Variants in RFFL observed in about 807,000 individuals in gnomAD.
RFFL encodes E3 ubiquitin-protein ligase rififylin.
Under a neutral mutation model 40.4 loss-of-function variants are expected in RFFL, and 16 were observed. That is an observed-to-expected ratio of 0.40 (90% CI 0.27 to 0.60). The LOEUF (loss-of-function observed/expected upper bound fraction) is 0.60. Ranked by LOEUF, RFFL falls within the 20% of genes least tolerant of loss-of-function variation. RFFL has a pLI of 0.47. For missense variants in RFFL, 367 were observed against 451.7 expected (o/e 0.81, Z 1.70); for synonymous variants, 154 against 167.9 (o/e 0.92, Z 0.64).
chr17:35,057,540 GAAAGGAACAGATTTCACATTCTCC>G, intron 1 of RFFL, among the ~76,000 whole-genome samples: 1 of 151,100 alleles, frequency 6.6e-6, no homozygotes, highest in African/African-American at 2.4e-5. Context: ...AGGTATTTGT[GAAAGGAACAGATTTCACATTCTCC>G]AGTCAGGTAA....
intron 1 of RFFL, among the ~76,000 whole-genome samples, chr17:35,026,821 T>C (rs1179343601): frequency 6.6e-6 from 1 of 152,182 alleles, no homozygotes; most frequent in Non-Finnish European, 1.5e-5. Flanking sequence ...TTCTCCAGCC[T>C]CAGCCTCCCA....
intron 1 of RFFL, among the ~76,000 whole-genome samples, chr17:35,088,011 C>T (rs1349384501): frequency 9.9e-5 from 15 of 152,190 alleles, no homozygotes; most frequent in Non-Finnish European, 2.9e-5. Context: ...GTATAATAAA[C>T]GGGCAGCCCG....
chr17:35,066,807 G>T (rs1316847529), upstream of RFFL, among the ~76,000 whole-genome samples: 1 of 151,474 alleles, frequency 6.6e-6, no homozygotes, highest in Non-Finnish European at 1.5e-5. Flanking sequence ...ATCAGTGCCT[G>T]TCTCACCTTG....
At chr17:35,070,375 T>A (rs978094330) in intron 1 of RFFL, among the ~76,000 whole-genome samples, 4 of 152,036 alleles carry the variant, frequency 2.6e-5, no homozygotes, top group African/African-American at 9.7e-5. Context: ...TCAATATGGT[T>A]CCCAGACTGA....
intron 6 of RFFL, 27 bp from the exon 7 acceptor site, chr17:35,012,176 A>G: frequency 6.2e-7 from 1 of 1,607,264 alleles, no homozygotes; most frequent in South Asian, 1.1e-5. Flanking sequence ...GGCAGAAAAA[A>G]AGGGGCAGAG....
In RFFL at chr17:35,009,181, G is replaced by C. The variant is rs2090918443; in HGVS notation, c.*2787C>G. On this transcript the variant is annotated 3_prime_UTR_variant, in exon 7 of 7. Coordinates refer to ENST00000394597, the MANE Select transcript of RFFL (RefSeq NM_001017368.2). Reference sequence around the variant, plus strand: ...CTGTAACAAAATAATACACATTTGGGTTTGCTTTAACCTCCAAGTAAGTCT... The same window carrying C: ...CTGTAACAAAATAATACACATTTGGCTTTGCTTTAACCTCCAAGTAAGTCT... 6.6e-6 allele frequency: 1 copy of C among 152,584 alleles called. No individual in the cohort carries two copies. Among genetic ancestry groups the C allele is most frequent in the South Asian group, 2.1e-4 (1 of 4,830 alleles). The allele number at this position is 152,584 out of a possible 1,614,324, so 9.5% of individuals were successfully genotyped here.
chr17:35,049,539 G>C (rs537550086), intron 1 of RFFL, among the ~76,000 whole-genome samples: 1 of 152,312 alleles, frequency 6.6e-6, no homozygotes, highest in East Asian at 1.9e-4. Flanking sequence ...AATAGGGGCT[G>C]CTGAGATTGT....
chr17:35,078,538 G>A (rs527711497), intron 1 of RFFL, among the ~76,000 whole-genome samples: 1 of 152,322 alleles, frequency 6.6e-6, no homozygotes, highest in Non-Finnish European at 1.5e-5. Flanking sequence ...CTGGGCTCCA[G>A]TGATCTGCCT....
chr17:35,051,841 CAA>C (rs1266237937), intron 1 of RFFL, among the ~76,000 whole-genome samples: 1 of 152,180 alleles, frequency 6.6e-6, no homozygotes, highest in Non-Finnish European at 1.5e-5. Flanking sequence ...ACCAACTGGA[CAA>C]AGTCTACTTT....
chr17:35,009,119 G>A lies in RFFL; in HGVS notation c.*2849C>T, dbSNP rs1009500172. 2.0e-5 allele frequency: 3 copies of A among 152,612 alleles called. No homozygotes were observed. Among genetic ancestry groups the A allele is most frequent in the Admixed American group, 1.3e-4 (2 of 15,280 alleles). 9.5% of individuals were successfully genotyped at this position (152,612 alleles called of 1,614,324 possible). ...CTCGCACCAGACAGGACAGGTGTCT[G>A]TATTGAAACTTTATTACAAAATTAT... On this transcript the variant is annotated 3_prime_UTR_variant, in exon 7 of 7. Coordinates refer to ENST00000394597, the MANE Select transcript of RFFL (RefSeq NM_001017368.2).
intron 2 of RFFL, among the ~76,000 whole-genome samples, chr17:35,025,912 TG>T (rs1012511832): frequency 9.2e-5 from 14 of 152,360 alleles, no homozygotes; most frequent in African/African-American, 3.4e-4. Context: ...TCCTTAACGT[TG>T]CTTTTGATAA....
rs1036001168 is a variant in RFFL at position 35,016,455 on chromosome 17, G to A, written c.801C>T (p.Val267=). 2.5e-6 allele frequency: 4 copies of A among 1,614,180 alleles called. No individual in the cohort carries two copies. The highest frequency in any genetic ancestry group is 3.4e-6 in the Non-Finnish European group (4 of 1,180,016). The change falls in exon 5 of 7, where the codon GTC becomes GTT. Residue 267 remains valine (V), a synonymous_variant. Transcript: ENST00000394597. ...ACTTCTCACAGCAGCCCTTGTAGTTGACAAAGTTGCGAGCCAAGATCTCTT... is the reference window on the plus strand; with the variant it reads ...ACTTCTCACAGCAGCCCTTGTAGTTAACAAAGTTGCGAGCCAAGATCTCTT... ...QLKEILARNF[V]NYKGCCEKWE...
chr17:35,042,966 TAAAC>T (rs1396511843), intron 1 of RFFL, among the ~76,000 whole-genome samples: 3 of 151,846 alleles, frequency 2.0e-5, no homozygotes, highest in Admixed American at 6.6e-5. Context: ...GGGCTGGACA[TAAAC>T]AAGGAATATT....
At chr17:35,015,244 G>A (rs1406408940) in intron 5 of RFFL, among the ~76,000 whole-genome samples, 1 of 152,218 alleles carries the variant, frequency 6.6e-6, no homozygotes, top group Non-Finnish European at 1.5e-5. Flanking sequence ...TGGGATTACA[G>A]GCATAAGCCA....
At chr17:35,068,441 AG>A (rs2091331553), upstream of RFFL, among the ~76,000 whole-genome samples, 1 of 152,226 alleles carries the variant, frequency 6.6e-6, no homozygotes, top group African/African-American at 2.4e-5. Flanking sequence ...ATCTTTAACA[AG>A]CCACTTTCAC....
intron 6 of RFFL, 55 bp downstream of exon 6, chr17:35,014,685 G>C (rs1447829867): frequency 6.5e-7 from 1 of 1,527,546 alleles, no homozygotes; most frequent in Non-Finnish European, 9.1e-7. Context: ...TGGGGTTGAA[G>C]GAGGGGAAGG....
chr17:35,015,890 T>G (rs1247064180), intron 5 of RFFL, among the ~76,000 whole-genome samples: 1 of 152,130 alleles, frequency 6.6e-6, no homozygotes, highest in Non-Finnish European at 1.5e-5. Context: ...AATGATACAG[T>G]GTAAAATGCT....
chr17:35,034,805 T>A (rs1597822832), intron 1 of RFFL, among the ~76,000 whole-genome samples: 1 of 152,022 alleles, frequency 6.6e-6, no homozygotes, highest in Non-Finnish European at 1.5e-5. Context: ...AGATTACAAG[T>A]GGGAGCTGCC....
At position 35,012,136 on chromosome 17, in the gene RFFL, T is replaced by A. The variant is rs2090943918; in HGVS notation, c.924A>T (p.Pro308=). ...TACACAGGTTCTCCTCCAAGCCTGA[T>A]GGTACTGCTCCCCCTGTACAAACAC... The part of the protein sequence containing the change: ...GAEDQNGGAV[P]SGLEENLCKI... The change falls in exon 7 of 7, where the codon CCA becomes CCT. Residue 308 remains proline, a synonymous_variant. Transcript: ENST00000394597. The A allele has an allele frequency of 6.2e-7, 1 of 1,613,978 alleles. No individual in the cohort carries two copies. The highest frequency in any genetic ancestry group is 2.2e-5 in the East Asian group (1 of 44,868).
Sources: gnomAD v4.1 joint callset for allele counts (sites outside exome capture counted in the v4.1 genomes callset) on GRCh38, gnomAD v4.1.1 for gene constraint, MANE v1.5 for transcripts, NCBI Gene and HGNC (gene_info 2026-07-23, HGNC 2026-07-21) for gene names.